The following PACRG variants were observed in gnomAD, a reference collection of about 807,000 sequenced individuals.
PACRG encodes the protein parkin coregulated gene protein.
A neutral mutation model predicts 29.7 loss-of-function variants in PACRG; 29 were observed. The observed-to-expected ratio is 0.98, with a 90% CI of 0.73 to 1.33. The LOEUF (loss-of-function observed/expected upper bound fraction) is 1.33, where lower values mean the gene tolerates loss of function less well. Among genes scored for constraint, PACRG ranks in the 40% most tolerant of loss-of-function variants. The probability of loss-of-function intolerance (pLI) is 0.00; values close to 1 mark genes in which losing one functional copy is unlikely to be tolerated. For synonymous variants in PACRG, 116 were observed against 118.7 expected (o/e 0.98, Z 0.15); for missense variants, 279 against 316.2 (o/e 0.88, Z 0.89).
At chr6:162,942,967 G>A (rs1490914315) in intron 2 of PACRG, among the ~76,000 whole-genome samples, 3 of 152,218 alleles carry the variant, frequency 2.0e-5, no homozygotes, top group East Asian at 1.9e-4. Context: ...AAGCAAGGCA[G>A]CCAGCTCAGC....
intron 4 of PACRG, among the ~76,000 whole-genome samples, chr6:163,266,704 A>T (rs1394815759): frequency 6.6e-6 from 1 of 152,210 alleles, no homozygotes; most frequent in Non-Finnish European, 1.5e-5. Flanking sequence ...CCCACAGATT[A>T]ACTGCTTATG....
intron 2 of PACRG, among the ~76,000 whole-genome samples, chr6:162,974,645 C>T (rs540884759): frequency 6.6e-6 from 1 of 152,276 alleles, no homozygotes; most frequent in South Asian, 2.1e-4. Flanking sequence ...TTCCTATTGA[C>T]ATGCATTGTT....
chr6:162,905,611 G>A (rs901394223), intron 2 of PACRG, among the ~76,000 whole-genome samples: 15 of 152,144 alleles, frequency 9.9e-5, no homozygotes, highest in Non-Finnish European at 2.1e-4. Context: ...CAGTTTTGTG[G>A]AAAGGGAGAG....
intron 2 of PACRG, among the ~76,000 whole-genome samples, chr6:163,024,376 A>G (rs1451560910): frequency 2.0e-5 from 3 of 152,098 alleles, no homozygotes; most frequent in South Asian, 4.1e-4. Flanking sequence ...TGAATATCAG[A>G]TGGTTGTAGG....
intron 4 of PACRG, among the ~76,000 whole-genome samples, chr6:163,266,518 A>C (rs779785580): frequency 6.6e-6 from 1 of 152,172 alleles, no homozygotes; most frequent in African/African-American, 2.4e-5. Context: ...TGTGTGGGAG[A>C]AGCCAGATGG....
chr6:163,117,208 A>G (rs1362513633), intron 4 of PACRG, among the ~76,000 whole-genome samples: 1 of 152,204 alleles, frequency 6.6e-6, no homozygotes. Context: ...AAAGAGCATC[A>G]CAGTGGAACT....
chr6:163,189,647 A>C (rs1241301089), intron 4 of PACRG: 3 of 152,222 alleles, frequency 2.0e-5, no homozygotes, highest in Non-Finnish European at 2.9e-5. Flanking sequence ...TCTATTTAAA[A>C]ATTTTACATT....
At chr6:163,270,274 A>G (rs1783775608) in intron 4 of PACRG, among the ~76,000 whole-genome samples, 3 of 152,220 alleles carry the variant, frequency 2.0e-5, no homozygotes. Context: ...CTGGGGAAAA[A>G]TATTTTTAAA....
At chr6:163,091,042 T>A (rs1814064641) in intron 4 of PACRG, among the ~76,000 whole-genome samples, 1 of 152,236 alleles carries the variant, frequency 6.6e-6, no homozygotes, top group African/African-American at 2.4e-5. Flanking sequence ...ACATTTCTCC[T>A]TTCTTGCCTG....
chr6:163,044,685 C>T (rs1000422009), intron 2 of PACRG: 8 of 152,134 alleles, frequency 5.3e-5, no homozygotes, highest in Non-Finnish European at 8.8e-5. Context: ...ACTCTAGTCC[C>T]GCGGGCTACG....
At chr6:162,893,911 C>G (rs1254700343) in intron 2 of PACRG, among the ~76,000 whole-genome samples, 5 of 152,182 alleles carry the variant, frequency 3.3e-5, no homozygotes, top group Non-Finnish European at 7.3e-5. Context: ...GGTAGCATTG[C>G]CCCAGACTCA....
At chr6:163,188,964 T>C (rs533149161) in intron 4 of PACRG, among the ~76,000 whole-genome samples, 5 of 152,252 alleles carry the variant, frequency 3.3e-5, no homozygotes, top group Non-Finnish European at 7.3e-5. Context: ...TGGATCCATC[T>C]TGTAAGTGAC....
At chr6:162,948,909 G>A (rs1229763390) in intron 2 of PACRG, among the ~76,000 whole-genome samples, 2 of 151,984 alleles carry the variant, frequency 1.3e-5, no homozygotes, top group African/African-American at 2.4e-5. Flanking sequence ...ATGTGGGAAT[G>A]TAAATTATTA....
intron 2 of PACRG, among the ~76,000 whole-genome samples, chr6:162,981,317 A>G (rs951776344): frequency 1.4e-5 from 2 of 142,642 alleles, no homozygotes; most frequent in Non-Finnish European, 3.0e-5. Context: ...TTACAATGGC[A>G]AAAATATAGA....
chr6:162,902,574 A>G (rs1309727171), intron 2 of PACRG, among the ~76,000 whole-genome samples: 1 of 152,244 alleles, frequency 6.6e-6, no homozygotes, highest in African/African-American at 2.4e-5. Flanking sequence ...TAAAACACTC[A>G]GGGCTTGCTA....
At chr6:163,258,439 T>A (rs1442804003) in intron 4 of PACRG, among the ~76,000 whole-genome samples, 1 of 152,168 alleles carries the variant, frequency 6.6e-6, no homozygotes, top group Non-Finnish European at 1.5e-5. Flanking sequence ...AGGGATCTGC[T>A]TGATTTGGGT....
intron 4 of PACRG, among the ~76,000 whole-genome samples, chr6:163,230,851 C>T (rs1167526404): frequency 1.2e-5 from 1 of 85,206 alleles, no homozygotes; most frequent in Non-Finnish European, 2.6e-5. Context: ...AGGAGAGAGG[C>T]CTTCAATTAG....
chr6:163,244,112 T>G (rs1231734174), intron 4 of PACRG, among the ~76,000 whole-genome samples: 5 of 152,260 alleles, frequency 3.3e-5, no homozygotes, highest in African/African-American at 1.2e-4. Flanking sequence ...CAGTGCCATG[T>G]GTGATTGTAT....
chr6:162,952,115 G>A (rs1165392175), intron 2 of PACRG, among the ~76,000 whole-genome samples: 1 of 152,202 alleles, frequency 6.6e-6, no homozygotes, highest in Non-Finnish European at 1.5e-5. Flanking sequence ...TCTCCGTCAT[G>A]AAAGAGAGAG....
Sources: allele counts gnomAD v4.1 joint callset (sites outside exome capture counted in the v4.1 genomes callset), GRCh38; gene constraint gnomAD v4.1.1; transcripts MANE v1.5; gene names NCBI Gene and HGNC (gene_info 2026-07-23, HGNC 2026-07-21).